AGFG1: variants seen among roughly 807,000 people sequenced by gnomAD.
AGFG1 encodes arf-GAP domain and FG repeat-containing protein 1.
AGFG1 carries 10 observed loss-of-function variants against 60.6 expected under a neutral mutation model. The observed-to-expected ratio is 0.16, with a 90% confidence interval of 0.10 to 0.28. The LOEUF is 0.28. Ranked by LOEUF, AGFG1 falls within the 10% of genes least tolerant of loss-of-function variation. The pLI, the probability that AGFG1 is intolerant of heterozygous loss-of-function variation, is 1.00. For synonymous variants in AGFG1, 247 were observed against 242.9 expected, an observed-to-expected ratio of 1.02 and a Z score of -0.16; for missense variants, 537 against 676.5, an observed-to-expected ratio of 0.79 and a Z score of 2.29.
At chr2:227,544,630 G>A (rs1692588570) in intron 10 of AGFG1, among the ~76,000 whole-genome samples, 1 of 152,130 alleles carries the variant, frequency 6.6e-6, no homozygotes, top group Non-Finnish European at 1.5e-5. Flanking sequence ...ACTTCCTTCA[G>A]GAGCTCTTGT....
intron 3 of AGFG1, among the ~76,000 whole-genome samples, chr2:227,521,188 C>G (rs144415290): frequency 0.065 from 9,895 of 152,180 alleles, 396 homozygotes; most frequent in South Asian, 0.19. Context: ...GCCTCAGCCT[C>G]CCAAGTAGCT....
intron 10 of AGFG1, among the ~76,000 whole-genome samples, chr2:227,541,627 C>T (rs574997050): frequency 7.2e-5 from 11 of 152,272 alleles, no homozygotes; most frequent in South Asian, 2.1e-4. Context: ...AGTCAGGTAG[C>T]GTGATGTCTC....
chr2:227,515,615 T>TG (rs1405020587), intron 2 of AGFG1, among the ~76,000 whole-genome samples: 15 of 152,192 alleles, frequency 9.9e-5, no homozygotes, highest in Non-Finnish European at 1.8e-4. Flanking sequence ...TTCTGCTTGA[T>TG]TAAACCAATA....
At chr2:227,535,058 G>GT in intron 8 of AGFG1, 33 bp downstream of exon 8, 1 of 1,461,596 alleles carries the variant, frequency 6.8e-7, no homozygotes, top group Non-Finnish European at 9.1e-7. Flanking sequence ...CCTGCTTTGT[G>GT]TTTTATCTTT....
intron 10 of AGFG1, among the ~76,000 whole-genome samples, chr2:227,545,476 T>G (rs985690314): frequency 1.4e-4 from 21 of 152,228 alleles, no homozygotes; most frequent in Non-Finnish European, 2.9e-4. Context: ...TCGTCTAAAG[T>G]CATTCTCTGT....
intron 1 of AGFG1, among the ~76,000 whole-genome samples, chr2:227,482,421 A>C (rs981212380): frequency 3.9e-5 from 6 of 152,222 alleles, no homozygotes; most frequent in African/African-American, 1.4e-4. Flanking sequence ...GTGTCTTGGC[A>C]TCAATAGTTT....
intron 10 of AGFG1, among the ~76,000 whole-genome samples, chr2:227,547,077 T>C (rs1692671891): frequency 6.6e-6 from 1 of 152,220 alleles, no homozygotes; most frequent in Non-Finnish European, 1.5e-5. Flanking sequence ...ACTGTTTTTG[T>C]TCCAGTACAG....
At chr2:227,514,182 G>A (rs1476255504) in intron 2 of AGFG1, among the ~76,000 whole-genome samples, 1 of 152,108 alleles carries the variant, frequency 6.6e-6, no homozygotes, top group East Asian at 1.9e-4. Context: ...CCACTTAAGA[G>A]ACCAGGCCCA....
chr2:227,504,161 C>T (rs535599187), intron 2 of AGFG1, among the ~76,000 whole-genome samples: 457 of 147,448 alleles, frequency 3.1e-3, no homozygotes, highest in Non-Finnish European at 5.3e-3. Flanking sequence ...GGAGGGGAGG[C>T]GGAAGAGGCA....
At chr2:227,525,671 G>A (rs1559187556) in intron 5 of AGFG1, among the ~76,000 whole-genome samples, 1 of 152,282 alleles carries the variant, frequency 6.6e-6, no homozygotes. Context: ...GTCTGAATTA[G>A]TTGATTGCAC....
chr2:227,504,615 CTA>C (rs1691258494), intron 2 of AGFG1, among the ~76,000 whole-genome samples: 1 of 152,204 alleles, frequency 6.6e-6, no homozygotes, highest in South Asian at 2.1e-4. Flanking sequence ...CTTAACTGTG[CTA>C]TACAAATGTT....
intron 10 of AGFG1, among the ~76,000 whole-genome samples, chr2:227,540,530 CT>C (rs1692459908): frequency 6.6e-6 from 1 of 152,248 alleles, no homozygotes; most frequent in Middle Eastern, 3.4e-3. Context: ...TGAACTCATC[CT>C]TTTTTATGGC....
At chr2:227,537,560 CTTAA>C (rs1247867030) in intron 10 of AGFG1, among the ~76,000 whole-genome samples, 2 of 152,032 alleles carry the variant, frequency 1.3e-5, no homozygotes, top group Non-Finnish European at 2.9e-5. Context: ...AATTTTTTCC[CTTAA>C]TTCTCTTTGT....
intron 5 of AGFG1, 90 bp downstream of exon 5, chr2:227,525,005 A>G: frequency 6.8e-7 from 1 of 1,469,914 alleles, no homozygotes; most frequent in South Asian, 1.2e-5. Context: ...GGATCAGTAA[A>G]CATTTTTTGT....
At position 227,554,298 on chromosome 2, in the gene AGFG1, ATAT is replaced by A. The variant is rs1692905698; in HGVS notation, c.1630-133_1630-131del. The A allele has an allele frequency of 1.1e-5, 8 of 707,466 alleles. No individual in the cohort carries two copies. In the South Asian group the frequency reaches 1.6e-4, roughly 14 times the overall value. The allele number at this position is 707,466 out of a possible 1,614,324, so 43.8% of individuals were successfully genotyped here. A position where few individuals can be genotyped will look rare whatever the true frequency, so the allele number is the denominator to read the frequency against. ...TGATATAGCTTATTGCCAATAACAA[ATAT>A]TATTGCCAATAATTTAAAAAATAAT... On this transcript the variant is annotated intron_variant, in intron 12 of 12. Transcript: ENST00000310078.
At chr2:227,542,868 T>G (rs1279822993) in intron 10 of AGFG1, among the ~76,000 whole-genome samples, 1 of 54,566 alleles carries the variant, frequency 1.8e-5, no homozygotes, top group Non-Finnish European at 3.5e-5. Flanking sequence ...AACTTCATCC[T>G]GGTTTAGTCT....
chr2:227,501,799 G>T (rs1453856778), intron 2 of AGFG1, among the ~76,000 whole-genome samples: 1 of 151,918 alleles, frequency 6.6e-6, no homozygotes, highest in Non-Finnish European at 1.5e-5. Flanking sequence ...GCACTGTTTT[G>T]TTTTTTTATT....
intron 2 of AGFG1, among the ~76,000 whole-genome samples, chr2:227,511,211 G>C (rs967396389): frequency 7.2e-5 from 11 of 152,080 alleles, no homozygotes; most frequent in African/African-American, 2.2e-4. Context: ...GTTTGTGCAG[G>C]CATCATTCAG....
chr2:227,531,525 C>CTT (rs34372948), intron 6 of AGFG1, among the ~76,000 whole-genome samples: 10,778 of 130,066 alleles, frequency 0.083, 657 homozygotes, highest in African/African-American at 0.15. Flanking sequence ...CTCTCTGTCT[C>CTT]TTTTTTTTTT....
Sources: allele counts gnomAD v4.1 joint callset (sites outside exome capture counted in the v4.1 genomes callset), GRCh38; gene constraint gnomAD v4.1.1; transcripts MANE v1.5; gene names NCBI Gene and HGNC (gene_info 2026-07-23, HGNC 2026-07-21).